Variants in CSMD1 observed in about 807,000 individuals in gnomAD.
CSMD1 encodes CUB and Sushi multiple domains 1.
CSMD1 carries 213 observed loss-of-function variants against 417.5 expected under a neutral mutation model. The ratio of observed to expected loss-of-function variants is 0.51; its 90% CI spans 0.46 to 0.57. The LOEUF is 0.57. Among genes scored for constraint, CSMD1 ranks in the 20% least tolerant of loss-of-function variants. The probability of loss-of-function intolerance (pLI) is 0.00; values close to 1 mark genes in which losing one functional copy is unlikely to be tolerated. For synonymous variants in CSMD1, 2,862 were observed against 1,736.8 expected (o/e 1.65, Z -16.11); for missense variants, 6,923 against 4,529.7 (o/e 1.53, Z -15.17).
intron 3 of CSMD1, among the ~76,000 whole-genome samples, chr8:4,397,137 C>G (rs895092302): frequency 4.6e-5 from 7 of 152,066 alleles, no homozygotes; most frequent in East Asian, 1.9e-4. Flanking sequence ...ATCACATGGT[C>G]GAGCAATCAC....
chr8:4,628,637 G>A (rs556938650), intron 2 of CSMD1, among the ~76,000 whole-genome samples: 1 of 151,482 alleles, frequency 6.6e-6, no homozygotes, highest in Non-Finnish European at 1.5e-5. Flanking sequence ...CCTCACACAT[G>A]CCCTGCCAGG....
At chr8:3,878,467 C>G (rs764020385) in intron 5 of CSMD1, among the ~76,000 whole-genome samples, 6 of 152,040 alleles carry the variant, frequency 3.9e-5, no homozygotes, top group Non-Finnish European at 7.4e-5. Context: ...CATGAACAGA[C>G]TCTTAAATAT....
At chr8:4,406,046 A>C (rs931813317) in intron 3 of CSMD1, among the ~76,000 whole-genome samples, 2 of 152,188 alleles carry the variant, frequency 1.3e-5, no homozygotes, top group Admixed American at 6.5e-5. Flanking sequence ...TGGCTGCTGG[A>C]AACAATGCCA....
chr8:4,765,745 G>A (rs778752643), intron 1 of CSMD1, among the ~76,000 whole-genome samples: 1 of 152,150 alleles, frequency 6.6e-6, no homozygotes, highest in African/African-American at 2.4e-5. Flanking sequence ...ATTTTAGTTG[G>A]GGTTTAAATT....
chr8:2,940,740 G>T (rs991829091), intron 69 of CSMD1, among the ~76,000 whole-genome samples: 1 of 152,172 alleles, frequency 6.6e-6, no homozygotes, highest in African/African-American at 2.4e-5. Flanking sequence ...TCTTTTTAAA[G>T]GACAAGACAA....
chr8:4,927,782 C>G (rs1806970472), intron 1 of CSMD1, among the ~76,000 whole-genome samples: 1 of 152,126 alleles, frequency 6.6e-6, no homozygotes, highest in Non-Finnish European at 1.5e-5. Context: ...AGACTGAAAC[C>G]TTGGATTCCA....
In CSMD1 at chr8:4,374,805, G is replaced by A. The variant is rs147857299; in HGVS notation, c.415+45148C>T. ...GCTCTAGGATGGCCCAGGAGAGGAT[G>A]GCAGGAAAACGGCCTGCTGAGCAAA... On this transcript the variant is annotated intron_variant, in intron 3 of 69. Coordinates refer to ENST00000635120, the MANE Select transcript of CSMD1 (RefSeq NM_033225.6). Among the ~76,000 whole-genome samples the A allele has an allele frequency of 4.3e-4, 65 of 152,136 alleles. No homozygotes were observed. In the East Asian group the frequency reaches 9.3e-3, roughly 22 times the overall value.
chr8:4,486,802 C>G (rs1389436851), intron 2 of CSMD1, among the ~76,000 whole-genome samples: 3 of 152,170 alleles, frequency 2.0e-5, no homozygotes, highest in African/African-American at 7.2e-5. Flanking sequence ...TGCCTCTGCT[C>G]TGCTGCAAAG....
chr8:4,113,234 T>C (rs1417370239), intron 3 of CSMD1, among the ~76,000 whole-genome samples: 1 of 152,026 alleles, frequency 6.6e-6, no homozygotes, highest in East Asian at 1.9e-4. Flanking sequence ...CTCCTATGTG[T>C]TCAATTGAAA....
intron 5 of CSMD1, among the ~76,000 whole-genome samples, chr8:3,818,354 C>G (rs1801515384): frequency 6.6e-6 from 1 of 152,154 alleles, no homozygotes; most frequent in Non-Finnish European, 1.5e-5. Flanking sequence ...GAGCTAAACC[C>G]CTTCCTAAGG....
At position 4,680,950 on chromosome 8, in the gene CSMD1, A is replaced by ATGTGTGTGTGTGTGTG. The variant is rs71209112; in HGVS notation, c.86-43408_86-43393dup. Among the ~76,000 whole-genome samples the ATGTGTGTGTGTGTGTG allele has an allele frequency of 8.0e-3, 1,160 of 144,394 alleles. 19 individuals carry two copies. The highest frequency in any genetic ancestry group is 0.025 in the African/African-American group (958 of 38,216). 94.7% of individuals were successfully genotyped at this position (144,394 alleles called of 152,430 possible). On this transcript the variant is annotated intron_variant, in intron 1 of 69. Coordinates refer to ENST00000635120, the MANE Select transcript of CSMD1 (RefSeq NM_033225.6). Reference sequence around the variant, plus strand: ...ACAAACCCCTAATCTATCTATATTGATGTGTGTGTGTGTGTGTGTGTGTGT... The same window carrying ATGTGTGTGTGTGTGTG: ...ACAAACCCCTAATCTATCTATATTGATGTGTGTGTGTGTGTGTGTGTGTGTGTGTGTGTGTGTGTGT...
intron 3 of CSMD1, among the ~76,000 whole-genome samples, chr8:4,292,899 G>C (rs897294402): frequency 2.6e-5 from 4 of 152,144 alleles, no homozygotes; most frequent in Admixed American, 6.5e-5. Context: ...GAGATAATTT[G>C]TTAGTTCTGC....
intron 3 of CSMD1, among the ~76,000 whole-genome samples, chr8:4,406,665 C>G (rs768941621): frequency 6.6e-6 from 1 of 152,122 alleles, no homozygotes; most frequent in African/African-American, 2.4e-5. Flanking sequence ...CTCCTCCTGG[C>G]CATGCCTTAC....
At chr8:3,863,087 G>A (rs1804829797) in intron 5 of CSMD1, among the ~76,000 whole-genome samples, 1 of 152,106 alleles carries the variant, frequency 6.6e-6, no homozygotes, top group African/African-American at 2.4e-5. Context: ...AGGCAAGAGA[G>A]ATCCCTCAAG....
intron 5 of CSMD1, among the ~76,000 whole-genome samples, chr8:3,970,284 A>C (rs570944828): frequency 2.0e-5 from 3 of 152,214 alleles, no homozygotes; most frequent in African/African-American, 7.2e-5. Flanking sequence ...AAGCCTTTGA[A>C]ACAGTCTTTC....
chr8:3,919,040 A>C (rs1809032794), intron 5 of CSMD1, among the ~76,000 whole-genome samples: 2 of 152,024 alleles, frequency 1.3e-5, no homozygotes, highest in South Asian at 4.1e-4. Context: ...TATTTTTAAA[A>C]AATATGTGGT....
chr8:3,901,633 A>C (rs935694999), intron 5 of CSMD1, among the ~76,000 whole-genome samples: 4 of 152,142 alleles, frequency 2.6e-5, no homozygotes, highest in African/African-American at 9.7e-5. Context: ...CCGAAGTAAA[A>C]CAGTATCTGG....
chr8:4,920,658 G>A (rs79580432), intron 1 of CSMD1, among the ~76,000 whole-genome samples: 1 of 151,530 alleles, frequency 6.6e-6, no homozygotes, highest in African/African-American at 2.4e-5. Context: ...CCTGTATTTA[G>A]TAAATACCAA....
chr8:4,802,183 C>G (rs772344938), intron 1 of CSMD1, among the ~76,000 whole-genome samples: 5 of 152,164 alleles, frequency 3.3e-5, no homozygotes, highest in Non-Finnish European at 7.4e-5. Flanking sequence ...ATTAGTTATG[C>G]TATCTATAGG....
Sources: allele counts gnomAD v4.1 joint callset (sites outside exome capture counted in the v4.1 genomes callset), GRCh38; gene constraint gnomAD v4.1.1; transcripts MANE v1.5; gene names NCBI Gene and HGNC (gene_info 2026-07-23, HGNC 2026-07-21).